The following CSMD3 variants were observed in gnomAD, a reference collection of about 807,000 sequenced individuals.
The protein encoded by CSMD3 is CUB and Sushi multiple domains 3.
Under a neutral mutation model 435.2 loss-of-function variants are expected in CSMD3, and 177 were observed. The observed-to-expected ratio is 0.41, with a 90% CI of 0.36 to 0.46. The LOEUF (loss-of-function observed/expected upper bound fraction) is 0.46, where lower values mean the gene tolerates loss of function less well. CSMD3 is among the 20% of genes least tolerant of loss of function. The pLI, the probability that CSMD3 is intolerant of heterozygous loss-of-function variation, is 0.34. For missense variants in CSMD3, 4,265 were observed against 4,504.6 expected (o/e 0.95, Z 1.52); for synonymous variants, 1,656 against 1,520.5 (o/e 1.09, Z -2.07).
intron 38 of CSMD3, among the ~76,000 whole-genome samples, chr8:112,357,318 A>G (rs2131092183): frequency 6.6e-6 from 1 of 152,308 alleles, no homozygotes; most frequent in South Asian, 2.1e-4. Context: ...GGAGGAAGAC[A>G]TTTCTAAGGG....
In CSMD3 at chr8:112,807,526, AGGTAGGTAGGT is replaced by A. The variant is rs1350300985; in HGVS notation, c.1860-7263_1860-7253del. ...TAGGTAGGTAGGTAGGTAGGTAGGT[AGGTAGGTAGGT>A]AGGAAATACATGTTTGGTGTCCATC... is the stretch of plus-strand genomic sequence containing the variant. On this transcript the variant is annotated intron_variant, in intron 12 of 70. Coordinates refer to ENST00000297405, the MANE Select transcript of CSMD3 (RefSeq NM_198123.2). Among the ~76,000 whole-genome samples, 108 of 150,478 alleles carry A rather than the reference AGGTAGGTAGGT, an allele frequency of 7.2e-4. 1 individual carries two copies. The highest frequency in any genetic ancestry group is 2.4e-3 in the African/African-American group (96 of 40,074).
chr8:113,411,756 T>C (rs1306993948), intron 1 of CSMD3, among the ~76,000 whole-genome samples: 2 of 152,166 alleles, frequency 1.3e-5, no homozygotes, highest in African/African-American at 4.8e-5. Context: ...TGATATTGGG[T>C]TGCTGAACTA....
chr8:112,328,380 A>G (rs553206079), intron 45 of CSMD3, among the ~76,000 whole-genome samples: 1 of 152,314 alleles, frequency 6.6e-6, no homozygotes, highest in South Asian at 2.1e-4. Flanking sequence ...TTTGCAGAAA[A>G]TCTGCCAGTG....
intron 30 of CSMD3, among the ~76,000 whole-genome samples, chr8:112,497,299 T>C (rs962786300): frequency 1.3e-5 from 2 of 152,002 alleles, no homozygotes; most frequent in African/African-American, 4.8e-5. Flanking sequence ...TTTGATAGCA[T>C]AACAGGGTGA....
chr8:112,736,305 C>G (rs1045508255), intron 13 of CSMD3, among the ~76,000 whole-genome samples: 1 of 151,934 alleles, frequency 6.6e-6, no homozygotes, highest in Non-Finnish European at 1.5e-5. Flanking sequence ...TTCAAAAATA[C>G]CTTTGTTGGT....
In CSMD3 at chr8:112,492,695, T is replaced by C. The variant is rs1353597544; in HGVS notation, c.5084-12A>G. On this transcript the variant is annotated splice_polypyrimidine_tract_variant and intron_variant, in intron 30 of 70. Transcript: ENST00000297405. The stretch of plus-strand genomic sequence containing the variant: ...CTCTCGCAGTTTTGCTGTAAAACAG[T>C]GTTAGTATAACATTAATTGCTTTAA... 13 of 1,608,974 alleles carry C rather than the reference T, an allele frequency of 8.1e-6. No homozygotes were observed. Among genetic ancestry groups the C allele is most frequent in the Non-Finnish European group, 1.0e-5 (12 of 1,175,418 alleles).
chr8:112,704,586 T>A (rs570544346), intron 13 of CSMD3, among the ~76,000 whole-genome samples: 1 of 152,078 alleles, frequency 6.6e-6, no homozygotes, highest in African/African-American at 2.4e-5. Flanking sequence ...ATTATCAAAA[T>A]TTTTTCTGGT....
At chr8:112,410,625 T>TA (rs1406421816) in intron 32 of CSMD3, among the ~76,000 whole-genome samples, 1 of 45,746 alleles carries the variant, frequency 2.2e-5, no homozygotes, top group African/African-American at 6.4e-5. Context: ...TGTATATATA[T>TA]GTGTATATAT....
At chr8:112,282,072 G>A (rs1314490087) in intron 58 of CSMD3, among the ~76,000 whole-genome samples, 4 of 152,048 alleles carry the variant, frequency 2.6e-5, no homozygotes, top group Non-Finnish European at 4.4e-5. Context: ...TATATCAAAC[G>A]TAATACTTAA....
chr8:113,338,247 C>A (rs534150165), intron 1 of CSMD3, among the ~76,000 whole-genome samples: 3 of 151,926 alleles, frequency 2.0e-5, no homozygotes, highest in Non-Finnish European at 2.9e-5. Flanking sequence ...ATTAGAACAT[C>A]TATAATTGTT....
intron 27 of CSMD3, among the ~76,000 whole-genome samples, chr8:112,525,762 A>AGG: frequency 7.0e-6 from 1 of 141,974 alleles, no homozygotes; most frequent in East Asian, 2.0e-4. Flanking sequence ...ATATATATAT[A>AGG]TATATATATT....
At chr8:113,020,239 C>G (rs2086640486) in intron 5 of CSMD3, among the ~76,000 whole-genome samples, 1 of 150,338 alleles carries the variant, frequency 6.7e-6, no homozygotes, top group African/African-American at 2.4e-5. Flanking sequence ...AATGGAGAGG[C>G]AGAAAACAGA....
chr8:112,417,108 G>A (rs1811997599), intron 32 of CSMD3, among the ~76,000 whole-genome samples: 1 of 152,164 alleles, frequency 6.6e-6, no homozygotes, highest in South Asian at 2.1e-4. Flanking sequence ...TAGAAGAATG[G>A]ATGAAGCAAC....
chr8:113,111,743 G>A (rs1045194832), intron 4 of CSMD3, among the ~76,000 whole-genome samples: 2 of 152,076 alleles, frequency 1.3e-5, no homozygotes, highest in African/African-American at 4.8e-5. Context: ...GTACAGAGGT[G>A]TGATCTCAGC....
chr8:112,790,415 C>CAA (rs563861372), intron 13 of CSMD3, among the ~76,000 whole-genome samples: 3 of 140,874 alleles, frequency 2.1e-5, no homozygotes. Context: ...TTTCCAGTTT[C>CAA]AAAAAAAAAA....
intron 37 of CSMD3, 92 bp from the exon 38 acceptor site, chr8:112,380,548 A>G (rs1829378625): frequency 1.4e-6 from 1 of 738,108 alleles, no homozygotes; most frequent in East Asian, 2.6e-5. Context: ...ATAGAATACC[A>G]CTAAAAATAT....
intron 55 of CSMD3, among the ~76,000 whole-genome samples, chr8:112,291,963 A>G (rs541419991): frequency 1.4e-4 from 22 of 152,162 alleles, no homozygotes; most frequent in African/African-American, 5.3e-4. Flanking sequence ...TAAAAATGAC[A>G]TATTTTAAGC....
chr8:113,181,867 T>C (rs2092426008), intron 3 of CSMD3, among the ~76,000 whole-genome samples: 1 of 151,940 alleles, frequency 6.6e-6, no homozygotes, highest in South Asian at 2.1e-4. Flanking sequence ...AAAATATGAA[T>C]AGGCTCTCCT....
chr8:112,943,307 A>G (rs2130777633), intron 9 of CSMD3, among the ~76,000 whole-genome samples: 1 of 151,772 alleles, frequency 6.6e-6, no homozygotes, highest in Non-Finnish European at 1.5e-5. Context: ...AGTGCTTTTT[A>G]TAGAGCAGAT....
Sources: gnomAD v4.1 joint callset for allele counts (sites outside exome capture counted in the v4.1 genomes callset) on GRCh38, gnomAD v4.1.1 for gene constraint, MANE v1.5 for transcripts, NCBI Gene and HGNC (gene_info 2026-07-23, HGNC 2026-07-21) for gene names.